Variants in NAPB observed in about 807,000 individuals in gnomAD.
The protein encoded by NAPB is beta-soluble NSF attachment protein.
NAPB carries 26 observed loss-of-function variants against 44.7 expected under a neutral mutation model. That is an observed-to-expected ratio of 0.58 (90% CI 0.43 to 0.81). The LOEUF is 0.81. Ranked by LOEUF, NAPB falls within the 30% of genes least tolerant of loss-of-function variation. NAPB has a pLI of 0.00. For missense variants in NAPB, 315 were observed against 356.4 expected, an observed-to-expected ratio of 0.88 and a Z score of 0.94; for synonymous variants, 120 against 116.8, an observed-to-expected ratio of 1.03 and a Z score of -0.18.
chr20:23,420,618 G>A (rs1986329871), intron 1 of NAPB, among the ~76,000 whole-genome samples: 1 of 152,080 alleles, frequency 6.6e-6, no homozygotes, highest in South Asian at 2.1e-4. Context: ...GAGCGATACG[G>A]GCTTCAGCGT....
At chr20:23,392,972 G>A (rs1342336191) in intron 5 of NAPB, among the ~76,000 whole-genome samples, 1 of 152,214 alleles carries the variant, frequency 6.6e-6, no homozygotes, top group Non-Finnish European at 1.5e-5. Context: ...TCTGACCACT[G>A]TGAAAGAGGA....
intron 7 of NAPB, 144 bp downstream of exon 7, chr20:23,389,802 C>T: frequency 4.7e-6 from 3 of 642,950 alleles, no homozygotes; most frequent in Middle Eastern, 3.2e-4. Context: ...GATAGTTATA[C>T]AACTTTGTGA....
intron 1 of NAPB, among the ~76,000 whole-genome samples, chr20:23,410,457 C>T (rs777913410): frequency 3.3e-5 from 5 of 152,096 alleles, no homozygotes; most frequent in Non-Finnish European, 5.9e-5. Flanking sequence ...AACCAAATAC[C>T]GCATGTTTTC....
intron 5 of NAPB, among the ~76,000 whole-genome samples, chr20:23,391,059 A>T (rs1983919687): frequency 6.6e-6 from 1 of 152,182 alleles, no homozygotes; most frequent in Non-Finnish European, 1.5e-5. Context: ...TCATGCCTGT[A>T]ATCCCAGCAC....
In NAPB at chr20:23,375,343, T is replaced by C. The variant is rs1176198422; in HGVS notation, c.*2033A>G. On this transcript the variant is annotated 3_prime_UTR_variant, in exon 11 of 11. Coordinates refer to ENST00000377026, the MANE Select transcript of NAPB (RefSeq NM_022080.3). ...GGAGTATAATGATGAAAGCTAAACATAATTGCCCGAAAATAAATCATGTAG... is the reference window on the plus strand; with the variant it reads ...GGAGTATAATGATGAAAGCTAAACACAATTGCCCGAAAATAAATCATGTAG... 6.6e-6 allele frequency: 1 copy of C among 152,080 alleles called. No individual in the cohort carries two copies. Among genetic ancestry groups the C allele is most frequent in the African/African-American group, 2.4e-5 (1 of 41,392 alleles). The allele number at this position is 152,080 out of a possible 1,614,324, so 9.4% of individuals were successfully genotyped here.
intron 7 of NAPB, among the ~76,000 whole-genome samples, chr20:23,386,449 CA>C (rs1983527401): frequency 6.6e-6 from 1 of 152,264 alleles, no homozygotes; most frequent in African/African-American, 2.4e-5. Context: ...ATTCTGAGAC[CA>C]GAATTACCTT....
chr20:23,397,964 A>G (rs1984500085), intron 2 of NAPB, among the ~76,000 whole-genome samples: 1 of 152,208 alleles, frequency 6.6e-6, no homozygotes, highest in Non-Finnish European at 1.5e-5. Flanking sequence ...CTGGAAAAGA[A>G]AGAGGGAAGG....
At chr20:23,413,900 C>CAA (rs767830957) in intron 1 of NAPB, among the ~76,000 whole-genome samples, 1 of 128,716 alleles carries the variant, frequency 7.8e-6, no homozygotes, top group Non-Finnish European at 1.7e-5. Flanking sequence ...GACCAGAGTC[C>CAA]AAAAAAAAAA....
intron 10 of NAPB, 148 bp downstream of exon 10, chr20:23,379,297 T>C (rs933017773): frequency 8.0e-5 from 47 of 585,446 alleles, no homozygotes; most frequent in Admixed American, 1.4e-4. Context: ...TTGTGTGATA[T>C]ATAAAAGGTG....
At position 23,385,807 on chromosome 20, in the gene NAPB, C is replaced by G. The variant is rs187572466; in HGVS notation, c.561+4139G>C. 2.0e-5 allele frequency among the ~76,000 whole-genome samples: 3 copies of G among 151,958 alleles called. 1 individual carries two copies. The highest frequency in any genetic ancestry group is 2.0e-4 in the Admixed American group (3 of 15,238). ...AGAAAGAGAAAGAAAGAAAGATCAG[C>G]AAGTATATTAAAGAACTCGACAATG... On this transcript the variant is annotated intron_variant, in intron 7 of 10. Transcript: ENST00000377026.
Position 23,421,327 on chromosome 20 carries a change from A to C in NAPB, c.76T>G (p.Ser26Ala). ...CACCCAAACAGCCCTCGGAGGAAGG[A>C]GTGGGAGGCCTTGACTCGCTTCTCG... ...EAEKRVKASH[S>A]FLRGLFGGNT... Residue 26 changes from serine (S) to alanine (A), a missense_variant, in exon 1 of 11, where the codon TCC (serine) becomes GCC (alanine). Around this residue, in one of 3 missense-constraint regions of NAPB, gnomAD observed 179 missense variants for 182.5 expected, o/e 0.98. Coordinates refer to ENST00000377026, the MANE Select transcript of NAPB (RefSeq NM_022080.3). The C allele has an allele frequency of 6.4e-7, 1 of 1,563,620 alleles. No homozygotes were observed. Among genetic ancestry groups the C allele is most frequent in the Non-Finnish European group, 8.7e-7 (1 of 1,153,824 alleles).
At chr20:23,382,187 G>T (rs995982314) in intron 7 of NAPB, among the ~76,000 whole-genome samples, 1 of 152,148 alleles carries the variant, frequency 6.6e-6, no homozygotes, top group African/African-American at 2.4e-5. Flanking sequence ...ATAAGGAGAG[G>T]GGATGCCACT....
At position 23,377,288 on chromosome 20, in the gene NAPB, G is replaced by T; in HGVS notation, c.*88C>A. ...TCTGGCTCATATGCAACAAAATTAA[G>T]CCATTAAATAGGCATCCCATAAAGA... On this transcript the variant is annotated 3_prime_UTR_variant, in exon 11 of 11. Transcript: ENST00000377026. 1.4e-6 allele frequency: 1 copy of T among 726,332 alleles called. No homozygotes were observed. Among genetic ancestry groups the T allele is most frequent in the Non-Finnish European group, 2.2e-6 (1 of 457,214 alleles). The allele number at this position is 726,332 out of a possible 1,614,324, so 45.0% of individuals were successfully genotyped here. A position where few individuals can be genotyped will look rare whatever the true frequency, so the allele number is the denominator to read the frequency against.
In NAPB at chr20:23,377,068, C is replaced by T. The variant is rs1982576845; in HGVS notation, c.*308G>A. 1.7e-5 allele frequency: 3 copies of T among 179,406 alleles called. No homozygotes were observed. The highest frequency in any genetic ancestry group is 3.7e-4 in the South Asian group (2 of 5,370). 11.1% of individuals were successfully genotyped at this position (179,406 alleles called of 1,614,324 possible). ...GTCCAACAAAAAGGACATAAAAACA[C>T]GTGGCAACATTAAACATAGGCTCCA... is the stretch of plus-strand genomic sequence containing the variant. On this transcript the variant is annotated 3_prime_UTR_variant, in exon 11 of 11. Transcript: ENST00000377026.
chr20:23,420,256 C>G (rs980900375), intron 1 of NAPB, among the ~76,000 whole-genome samples: 2 of 152,166 alleles, frequency 1.3e-5, no homozygotes, highest in Non-Finnish European at 2.9e-5. Context: ...GGAAGAATTA[C>G]AGGAAATTAA....
rs916725435 is a variant in NAPB, at chr20:23,411,142, C to A, written c.99-8070G>T. On this transcript the variant is annotated intron_variant, in intron 1 of 10. Coordinates refer to ENST00000377026, the MANE Select transcript of NAPB (RefSeq NM_022080.3). ...AGTCCCTAAAGAGGGGAAGAAAAAA[C>A]CCATTTTCACAATCTGAGAAAATTT... Among the ~76,000 whole-genome samples the A allele has an allele frequency of 2.0e-5, 3 of 152,084 alleles. No homozygotes were observed. The East Asian group carries it at 5.8e-4, about 29-fold the overall frequency.
intron 7 of NAPB, among the ~76,000 whole-genome samples, chr20:23,387,618 A>G (rs1011476918): frequency 1.3e-5 from 2 of 152,238 alleles, no homozygotes; most frequent in African/African-American, 4.8e-5. Flanking sequence ...GGAAATTAAG[A>G]AAATAATTCA....
chr20:23,403,364 A>G (rs1726805536), intron 1 of NAPB, among the ~76,000 whole-genome samples: 1 of 152,180 alleles, frequency 6.6e-6, no homozygotes, highest in African/African-American at 2.4e-5. Flanking sequence ...GAACTTTGGG[A>G]GGCCAAGGCG....
At chr20:23,395,628 T>C (rs1984302316) in intron 3 of NAPB, among the ~76,000 whole-genome samples, 1 of 152,214 alleles carries the variant, frequency 6.6e-6, no homozygotes, top group Admixed American at 6.5e-5. Context: ...CAATAGATTC[T>C]ACTCTCCATG....
Sources: allele counts gnomAD v4.1 joint callset (sites outside exome capture counted in the v4.1 genomes callset), GRCh38; gene constraint gnomAD v4.1.1; regional missense constraint gnomAD v4.1.1; transcripts MANE v1.5; gene names NCBI Gene and HGNC (gene_info 2026-07-23, HGNC 2026-07-21).